Variants in PLEKHA8 observed in about 807,000 individuals in gnomAD.
The protein encoded by PLEKHA8 is pleckstrin homology domain-containing family A member 8.
Under a neutral mutation model 68.2 loss-of-function variants are expected in PLEKHA8, and 36 were observed. The observed-to-expected ratio is 0.53, with a 90% CI of 0.40 to 0.70. PLEKHA8 has a LOEUF of 0.70. PLEKHA8 is among the 30% of genes least tolerant of loss of function. The probability of loss-of-function intolerance (pLI) is 0.00; values close to 1 mark genes in which losing one functional copy is unlikely to be tolerated. For synonymous variants in PLEKHA8, 211 were observed against 216.1 expected (o/e 0.98, Z 0.20); for missense variants, 505 against 615.4 (o/e 0.82, Z 1.90).
chr7:30,108,082 A>C (rs998916121), intron 13 of PLEKHA8, among the ~76,000 whole-genome samples: 5 of 151,398 alleles, frequency 3.3e-5, no homozygotes, highest in Admixed American at 6.6e-5. Flanking sequence ...AAAAAAAAAA[A>C]AAAAAAAAAA....
chr7:30,098,318 C>T (rs1390446982), intron 13 of PLEKHA8, among the ~76,000 whole-genome samples: 13 of 152,248 alleles, frequency 8.5e-5, no homozygotes, highest in Admixed American at 7.9e-4. Flanking sequence ...AGATCTCCAG[C>T]TGCGTGCTGG....
At chr7:30,028,926 C>A in intron 1 of PLEKHA8, 124 bp downstream of exon 1, 1 of 1,076,342 alleles carries the variant, frequency 9.3e-7, no homozygotes, top group Non-Finnish European at 1.2e-6. Context: ...CAGCGCGGAG[C>A]GGGAGTATTT....
In PLEKHA8 at chr7:30,080,561, A is replaced by G; in HGVS notation, c.*1774A>G. The G allele has an allele frequency of 1.0e-6, 1 of 985,400 alleles. No homozygotes were observed. The highest frequency in any genetic ancestry group is 1.2e-6 in the Non-Finnish European group (1 of 829,912). 61.0% of individuals were successfully genotyped at this position (985,400 alleles called of 1,614,324 possible). ...GCCTTTGTGTGTCTTTAAACAAATG[A>G]ACATTTATTTAGCTCAGATTAATTA... On this transcript the variant is annotated 3_prime_UTR_variant, in exon 14 of 14. Coordinates refer to ENST00000449726, the MANE Select transcript of PLEKHA8 (RefSeq NM_001197026.2).
In PLEKHA8 at chr7:30,077,525, A is replaced by G. The variant is rs142789133; in HGVS notation, c.1363-1065A>G. ...TGCTTAAAATAAGGAAAGTGGTATTAGTCTTCTTCTATAAATAAGGAAACT... is the reference window on the plus strand; with the variant it reads ...TGCTTAAAATAAGGAAAGTGGTATTGGTCTTCTTCTATAAATAAGGAAACT... On this transcript the variant is annotated intron_variant, in intron 13 of 13. Coordinates refer to ENST00000449726, the MANE Select transcript of PLEKHA8 (RefSeq NM_001197026.2). 1.3e-3 allele frequency among the ~76,000 whole-genome samples: 205 copies of G among 152,306 alleles called. 4 individuals are homozygous for G. The East Asian group carries it at 0.024, about 18-fold the overall frequency.
chr7:30,095,513 A>C (rs1332155164), downstream of PLEKHA8, among the ~76,000 whole-genome samples: 1 of 152,200 alleles, frequency 6.6e-6, no homozygotes, highest in Non-Finnish European at 1.5e-5. Context: ...TGCTGCGCAG[A>C]AGCTCTTTAG....
At chr7:30,114,111 C>T (rs1796354563) in intron 13 of PLEKHA8, among the ~76,000 whole-genome samples, 1 of 152,118 alleles carries the variant, frequency 6.6e-6, no homozygotes, top group Non-Finnish European at 1.5e-5. Flanking sequence ...GTTGGCCAGG[C>T]TGGTCTTGAA....
chr7:30,089,265 C>T (rs1795302788), downstream of PLEKHA8, among the ~76,000 whole-genome samples: 3 of 152,146 alleles, frequency 2.0e-5, no homozygotes, highest in South Asian at 2.1e-4. Flanking sequence ...TTCCACACCA[C>T]GATGGAAAGA....
At chr7:30,059,027 A>G (rs916961980) in intron 9 of PLEKHA8, among the ~76,000 whole-genome samples, 5 of 152,250 alleles carry the variant, frequency 3.3e-5, no homozygotes, top group Non-Finnish European at 7.3e-5. Flanking sequence ...AGGCTGATGC[A>G]GGAGAATCAC....
At chr7:30,112,860 A>G (rs907253397) in intron 13 of PLEKHA8, among the ~76,000 whole-genome samples, 1 of 152,024 alleles carries the variant, frequency 6.6e-6, no homozygotes, top group Non-Finnish European at 1.5e-5. Context: ...GTGATATACC[A>G]CTGCACTCCA....
chr7:30,101,193 GAAGA>G lies in PLEKHA8; in HGVS notation c.1362+27072_1362+27075del, dbSNP rs1457813604. The stretch of plus-strand genomic sequence containing the variant: ...TGAGACTTGGGGGAAAAAAAAAAAA[GAAGA>G]AAGAAAGAAAAGAAAAGTAAATGCA... On this transcript the variant is annotated intron_variant, in intron 13 of 13. Coordinates refer to the PLEKHA8 transcript ENST00000396257. 2.7e-5 allele frequency among the ~76,000 whole-genome samples: 4 copies of G among 147,876 alleles called. No homozygotes were observed. The East Asian group carries it at 5.9e-4, about 22-fold the overall frequency.
chr7:30,051,897 C>G (rs1159268096), intron 6 of PLEKHA8, among the ~76,000 whole-genome samples: 2 of 152,016 alleles, frequency 1.3e-5, no homozygotes, highest in African/African-American at 2.4e-5. Context: ...CACTTGAACC[C>G]GGAAGGCAGA....
At chr7:30,074,208 C>T in intron 13 of PLEKHA8, 76 bp downstream of exon 13, 1 of 1,322,218 alleles carries the variant, frequency 7.6e-7, no homozygotes, top group Non-Finnish European at 1.1e-6. Context: ...TCTCTTCTTA[C>T]CCAGTTATTT....
chr7:30,107,401 AT>A (rs1796099242), intron 13 of PLEKHA8, among the ~76,000 whole-genome samples: 1 of 151,940 alleles, frequency 6.6e-6, no homozygotes. Flanking sequence ...GGAAAATTAC[AT>A]TTTCTAATTT....
intron 13 of PLEKHA8, among the ~76,000 whole-genome samples, chr7:30,075,704 G>A (rs1382993032): frequency 6.6e-6 from 1 of 152,134 alleles, no homozygotes; most frequent in Admixed American, 6.6e-5. Flanking sequence ...TGACACTTGA[G>A]TTGCCCCAAA....
chr7:30,072,974 G>T (rs1410981118), intron 12 of PLEKHA8, among the ~76,000 whole-genome samples: 1 of 152,206 alleles, frequency 6.6e-6, no homozygotes, highest in Non-Finnish European at 1.5e-5. Context: ...ATCCTGTGGA[G>T]AAATCAGTTT....
chr7:30,106,745 T>TG (rs1483588794), intron 13 of PLEKHA8, among the ~76,000 whole-genome samples: 1 of 152,192 alleles, frequency 6.6e-6, no homozygotes, highest in Non-Finnish European at 1.5e-5. Flanking sequence ...ATGCAAAACT[T>TG]GAATTTTTTC....
intron 13 of PLEKHA8, among the ~76,000 whole-genome samples, chr7:30,095,813 T>G (rs1379822861): frequency 6.6e-6 from 1 of 152,224 alleles, no homozygotes; most frequent in Non-Finnish European, 1.5e-5. Flanking sequence ...TTTGTCAGGT[T>G]TGTCAAAGAT....
chr7:30,076,177 T>TC (rs984140953), intron 13 of PLEKHA8, among the ~76,000 whole-genome samples: 2 of 151,896 alleles, frequency 1.3e-5, no homozygotes, highest in African/African-American at 4.8e-5. Context: ...TAATTTTATA[T>TC]CCCCCCAACT....
At chr7:30,033,742 A>T (rs1453262059) in intron 1 of PLEKHA8, among the ~76,000 whole-genome samples, 2 of 152,156 alleles carry the variant, frequency 1.3e-5, no homozygotes, top group African/African-American at 2.4e-5. Flanking sequence ...AGTTTTCCAA[A>T]GTGACTGCAC....
Sources: allele counts gnomAD v4.1 joint callset (sites outside exome capture counted in the v4.1 genomes callset), GRCh38; gene constraint gnomAD v4.1.1; transcripts MANE v1.5; gene names NCBI Gene and HGNC (gene_info 2026-07-23, HGNC 2026-07-21).